The following FNIP1 variants were observed in gnomAD, a reference collection of about 807,000 sequenced individuals.
FNIP1 encodes folliculin-interacting protein 1.
A neutral mutation model predicts 124.5 loss-of-function variants in FNIP1; 40 were observed. The ratio of observed to expected loss-of-function variants is 0.32; its 90% CI spans 0.25 to 0.42. FNIP1 has a LOEUF of 0.42. Ranked by LOEUF, FNIP1 falls within the 10% of genes least tolerant of loss-of-function variation. The pLI is 1.00. For missense variants in FNIP1, 1,176 were observed against 1,403.7 expected, an observed-to-expected ratio of 0.84 and a Z score of 2.59; for synonymous variants, 472 against 470.6, an observed-to-expected ratio of 1.00 and a Z score of -0.04.
chr5:131,648,271 A>G (rs1045324717), intron 16 of FNIP1, among the ~76,000 whole-genome samples: 1 of 151,202 alleles, frequency 6.6e-6, no homozygotes, highest in Non-Finnish European at 1.5e-5. Flanking sequence ...GCATTGAGCC[A>G]TGATTACTAC....
chr5:131,713,275 C>T (rs1436876059), intron 6 of FNIP1, among the ~76,000 whole-genome samples: 4 of 151,936 alleles, frequency 2.6e-5, no homozygotes, highest in East Asian at 3.9e-4. Flanking sequence ...GTCAATCTCC[C>T]GGCCTCGTGA....
At chr5:131,758,869 G>A (rs1475339875) in intron 1 of FNIP1, among the ~76,000 whole-genome samples, 1 of 152,032 alleles carries the variant, frequency 6.6e-6, no homozygotes, top group Non-Finnish European at 1.5e-5. Context: ...GGGCAAACTG[G>A]TTCTTGGTGG....
In FNIP1 at chr5:131,665,131, G is replaced by A. The variant is rs533951846; in HGVS notation, c.3108+5332C>T. On this transcript the variant is annotated intron_variant, in intron 15 of 17. Transcript: ENST00000510461. ...AGTGTGACTAATATCACCACACAGT[G>A]TAAGTCTGGTAAACAAACATCAGTA... is the stretch of plus-strand genomic sequence containing the variant. 2.0e-5 allele frequency among the ~76,000 whole-genome samples: 3 copies of A among 152,162 alleles called. No individual in the cohort carries two copies. The East Asian group carries it at 5.8e-4, about 29-fold the overall frequency.
chr5:131,747,048 A>G (rs974157204), intron 1 of FNIP1, among the ~76,000 whole-genome samples: 6 of 151,946 alleles, frequency 3.9e-5, no homozygotes, highest in African/African-American at 1.5e-4. Context: ...GCATTTTTTC[A>G]TGTTTGTTGG....
intron 10 of FNIP1, among the ~76,000 whole-genome samples, chr5:131,702,749 T>C (rs1768944155): frequency 1.3e-5 from 2 of 152,240 alleles, no homozygotes; most frequent in Non-Finnish European, 2.9e-5. Flanking sequence ...GTATATACTA[T>C]CTCAGTAGCA....
At chr5:131,792,857 C>CA (rs11399617) in intron 1 of FNIP1, among the ~76,000 whole-genome samples, 96,670 of 151,960 alleles carry the variant, frequency 0.64, 32,387 homozygotes, top group Non-Finnish European at 0.76. Flanking sequence ...TTCAAAAATC[C>CA]AAAAAATTCC....
chr5:131,758,501 C>T lies in FNIP1; in HGVS notation c.93-13811G>A, dbSNP rs533634038. 2.0e-4 allele frequency among the ~76,000 whole-genome samples: 30 copies of T among 152,288 alleles called. No homozygotes were observed. In the South Asian group the frequency reaches 6.2e-3, roughly 32 times the overall value. ...ATCACTAACAGTGTTAAGTATACCA[C>T]CACCATTCACACAAATTTATATGCT... On this transcript the variant is annotated intron_variant, in intron 1 of 17. Coordinates refer to ENST00000510461, the MANE Select transcript of FNIP1 (RefSeq NM_133372.3).
At position 131,647,092 on chromosome 5, in the gene FNIP1, C is replaced by T; in HGVS notation, c.3420G>A (p.Leu1140=). The T allele has an allele frequency of 6.2e-7, 1 of 1,613,978 alleles. No individual in the cohort carries two copies. Among genetic ancestry groups the T allele is most frequent in the Non-Finnish European group, 8.5e-7 (1 of 1,179,898 alleles). Residue 1140 remains leucine, a splice_region_variant and synonymous_variant, in exon 17 of 18, where the codon CTG becomes CTA. Coordinates refer to ENST00000510461, the MANE Select transcript of FNIP1 (RefSeq NM_133372.3). Reference sequence around the variant, plus strand: ...CAAAAAAGAAACCATTAACATACCCCAGAACCACTCCCAGCTCCTTGACAT... The same window carrying T: ...CAAAAAAGAAACCATTAACATACCCTAGAACCACTCCCAGCTCCTTGACAT... The part of the protein sequence containing the change: ...RVHVKELGVV[L]GIESSDLPLL...
chr5:131,659,703 T>A (rs1484794090), intron 15 of FNIP1, among the ~76,000 whole-genome samples: 1 of 152,200 alleles, frequency 6.6e-6, no homozygotes, highest in Non-Finnish European at 1.5e-5. Context: ...AGGGACAACA[T>A]GGCCTGGATG....
intron 2 of FNIP1, among the ~76,000 whole-genome samples, chr5:131,743,705 A>C: frequency 6.6e-6 from 1 of 152,140 alleles, no homozygotes; most frequent in East Asian, 1.9e-4. Flanking sequence ...TATAAAAAGG[A>C]CTTGAAGAGT....
At chr5:131,674,699 T>C (rs1004463039) in intron 13 of FNIP1, among the ~76,000 whole-genome samples, 4 of 151,758 alleles carry the variant, frequency 2.6e-5, no homozygotes, top group South Asian at 2.1e-4. Context: ...GCCTGTGCAA[T>C]AGCGTGAGAC....
At position 131,681,787 on chromosome 5, in the gene FNIP1, A is replaced by G. The variant is rs186651216; in HGVS notation, c.1203-2612T>C. 2.1e-3 allele frequency among the ~76,000 whole-genome samples: 305 copies of G among 147,122 alleles called. 1 individual carries two copies. Among genetic ancestry groups the G allele is most frequent in the African/African-American group, 7.1e-3 (289 of 40,752 alleles). On this transcript the variant is annotated intron_variant, in intron 11 of 17. Coordinates refer to ENST00000510461, the MANE Select transcript of FNIP1 (RefSeq NM_133372.3). ...TAAAAAAAAAAAAAAAACGGATTCC[A>G]GAGAGAAAACAGAATAAATTGTAAA...
At chr5:131,729,738 C>G (rs1321109800) in intron 3 of FNIP1, among the ~76,000 whole-genome samples, 2 of 151,756 alleles carry the variant, frequency 1.3e-5, no homozygotes, top group Non-Finnish European at 2.9e-5. Context: ...CCACCACACA[C>G]AGCTAATTTT....
chr5:131,707,346 C>A (rs562536225), intron 8 of FNIP1, among the ~76,000 whole-genome samples: 1 of 152,196 alleles, frequency 6.6e-6, no homozygotes, highest in East Asian at 1.9e-4. Context: ...TTCCAGACTT[C>A]TATCTTTCAT....
chr5:131,734,123 G>A (rs901029138), intron 2 of FNIP1, among the ~76,000 whole-genome samples: 2 of 152,208 alleles, frequency 1.3e-5, no homozygotes, highest in African/African-American at 2.4e-5. Context: ...GCGTAGAGGT[G>A]TTTATAGTAT....
chr5:131,651,401 CA>C, intron 16 of FNIP1, among the ~76,000 whole-genome samples: 1 of 152,230 alleles, frequency 6.6e-6, no homozygotes, highest in East Asian at 1.9e-4. Flanking sequence ...CTCAAACAAA[CA>C]AAAAACCCCA....
At chr5:131,649,035 C>T (rs1766970906) in intron 16 of FNIP1, among the ~76,000 whole-genome samples, 1 of 152,114 alleles carries the variant, frequency 6.6e-6, no homozygotes, top group South Asian at 2.1e-4. Flanking sequence ...ATATATTATA[C>T]CACATTTTGT....
At chr5:131,650,280 C>T (rs547446288) in intron 16 of FNIP1, among the ~76,000 whole-genome samples, 13 of 152,138 alleles carry the variant, frequency 8.5e-5, no homozygotes, top group African/African-American at 2.6e-4. Context: ...TATATATGTC[C>T]TTAATTTCTA....
chr5:131,731,903 C>T (rs1424715553), intron 2 of FNIP1, among the ~76,000 whole-genome samples: 3 of 152,092 alleles, frequency 2.0e-5, no homozygotes, highest in Non-Finnish European at 2.9e-5. Context: ...AGGAGAAATG[C>T]AAATGAGACT....
Sources: gnomAD v4.1 joint callset for allele counts (sites outside exome capture counted in the v4.1 genomes callset) on GRCh38, gnomAD v4.1.1 for gene constraint, MANE v1.5 for transcripts, NCBI Gene and HGNC (gene_info 2026-07-23, HGNC 2026-07-21) for gene names.